Variants in GNA14 observed in about 807,000 individuals in gnomAD.
GNA14 encodes the protein guanine nucleotide-binding protein subunit alpha-14.
Under a neutral mutation model 42.0 loss-of-function variants are expected in GNA14, and 50 were observed. The ratio of observed to expected loss-of-function variants is 1.19; its 90% CI spans 0.95 to 1.51. The LOEUF (loss-of-function observed/expected upper bound fraction) is 1.51. Ranked by LOEUF, GNA14 falls within the 40% of genes most tolerant of loss-of-function variation. The pLI, the probability that GNA14 is intolerant of heterozygous loss-of-function variation, is 0.00. For missense variants in GNA14, 473 were observed against 446.2 expected, an observed-to-expected ratio of 1.06 and a Z score of -0.54; for synonymous variants, 173 against 163.1, an observed-to-expected ratio of 1.06 and a Z score of -0.46.
At position 77,587,601 on chromosome 9, in the gene GNA14, C is replaced by A. The variant is rs141762306; in HGVS notation, c.125-58348G>T. On this transcript the variant is annotated intron_variant, in intron 1 of 6. Coordinates refer to ENST00000341700, the MANE Select transcript of GNA14 (RefSeq NM_004297.4). The stretch of plus-strand genomic sequence containing the variant: ...ATGAAATATCCGTAGTATGAAAGAA[C>A]ACAGATTGGTGGTTATCTGGGGGAG... Among the ~76,000 whole-genome samples, 276 of 152,196 alleles carry A rather than the reference C, an allele frequency of 1.8e-3. 1 individual carries two copies. The highest frequency in any genetic ancestry group is 6.4e-3 in the African/African-American group (264 of 41,518).
At chr9:77,440,960 C>A (rs1191993452) in intron 2 of GNA14, among the ~76,000 whole-genome samples, 2 of 152,164 alleles carry the variant, frequency 1.3e-5, no homozygotes, top group African/African-American at 2.4e-5. Context: ...AAGTGATCCG[C>A]CCACCTCAGC....
intron 1 of GNA14, among the ~76,000 whole-genome samples, chr9:77,574,921 G>C (rs1823106523): frequency 6.6e-6 from 1 of 152,208 alleles, no homozygotes; most frequent in Non-Finnish European, 1.5e-5. Flanking sequence ...GGAAAACTTG[G>C]CGAGCACTAA....
At chr9:77,614,710 T>C (rs1196729875) in intron 1 of GNA14, among the ~76,000 whole-genome samples, 1 of 152,174 alleles carries the variant, frequency 6.6e-6, no homozygotes, top group Non-Finnish European at 1.5e-5. Flanking sequence ...TGCAGTCTCA[T>C]GGCTGTTCTG....
At chr9:77,482,090 T>C (rs922788936) in intron 2 of GNA14, among the ~76,000 whole-genome samples, 1 of 152,200 alleles carries the variant, frequency 6.6e-6, no homozygotes, top group Admixed American at 6.5e-5. Flanking sequence ...GGTCCTGTCA[T>C]TATGATGTTA....
intron 1 of GNA14, among the ~76,000 whole-genome samples, chr9:77,578,751 T>G (rs1362523631): frequency 1.3e-5 from 2 of 152,220 alleles, no homozygotes; most frequent in African/African-American, 2.4e-5. Flanking sequence ...AAACCTCATT[T>G]CCGCACAAAT....
At chr9:77,498,817 G>T (rs1402199519) in intron 2 of GNA14, among the ~76,000 whole-genome samples, 1 of 152,140 alleles carries the variant, frequency 6.6e-6, no homozygotes, top group East Asian at 1.9e-4. Flanking sequence ...GGCTTTGCGG[G>T]GTGTGGGTGT....
chr9:77,480,057 G>A (rs564823278), intron 2 of GNA14, among the ~76,000 whole-genome samples: 1 of 152,136 alleles, frequency 6.6e-6, no homozygotes, highest in African/African-American at 2.4e-5. Context: ...TCTCCTGCCT[G>A]ATTGCCCTGG....
intron 2 of GNA14, among the ~76,000 whole-genome samples, chr9:77,447,858 G>A (rs990984623): frequency 2.0e-5 from 3 of 152,198 alleles, no homozygotes; most frequent in African/African-American, 7.2e-5. Context: ...CAAGGCTCCC[G>A]CTAAGTGCAA....
chr9:77,499,479 A>G (rs1836929157), intron 2 of GNA14, among the ~76,000 whole-genome samples: 1 of 152,190 alleles, frequency 6.6e-6, no homozygotes. Context: ...ATATTATAAA[A>G]AGACTTCAAA....
chr9:77,581,213 T>C (rs1480784773), intron 1 of GNA14, among the ~76,000 whole-genome samples: 1 of 152,120 alleles, frequency 6.6e-6, no homozygotes, highest in Admixed American at 6.6e-5. Context: ...AAACCTTAGT[T>C]ATGTGCTAGG....
At chr9:77,571,612 C>A (rs770116671) in intron 1 of GNA14, among the ~76,000 whole-genome samples, 55 of 152,164 alleles carry the variant, frequency 3.6e-4, no homozygotes, top group Non-Finnish European at 6.0e-4. Flanking sequence ...ACCAGCCTGA[C>A]CAACATGGAG....
intron 1 of GNA14, among the ~76,000 whole-genome samples, chr9:77,626,312 G>T (rs1262599383): frequency 6.6e-6 from 1 of 152,034 alleles, no homozygotes; most frequent in East Asian, 1.9e-4. Context: ...ACACCCCATT[G>T]TCAATATTAG....
intron 2 of GNA14, among the ~76,000 whole-genome samples, chr9:77,465,853 C>A (rs776070868): frequency 6.6e-6 from 1 of 152,160 alleles, no homozygotes. Flanking sequence ...GCAGTCCTCC[C>A]ACCTTGGCCT....
At chr9:77,588,326 C>G (rs977510709) in intron 1 of GNA14, among the ~76,000 whole-genome samples, 1 of 152,124 alleles carries the variant, frequency 6.6e-6, no homozygotes, top group African/African-American at 2.4e-5. Flanking sequence ...TGCTTGCAAC[C>G]ACAGAACATT....
At chr9:77,584,938 C>T (rs564173934) in intron 1 of GNA14, among the ~76,000 whole-genome samples, 1 of 152,216 alleles carries the variant, frequency 6.6e-6, no homozygotes, top group South Asian at 2.1e-4. Flanking sequence ...TCAGAGGTCA[C>T]TCATGGCTAT....
intron 1 of GNA14, among the ~76,000 whole-genome samples, chr9:77,535,889 TTTG>T (rs150876429): frequency 0.65 from 72,133 of 110,722 alleles, 17,999 homozygotes; most frequent in Admixed American, 0.69. Flanking sequence ...GTTTAGTTGT[TTTG>T]TTTTTTTTTT....
At chr9:77,603,115 C>A (rs532811925) in intron 1 of GNA14, among the ~76,000 whole-genome samples, 1 of 152,332 alleles carries the variant, frequency 6.6e-6, no homozygotes, top group Non-Finnish European at 1.5e-5. Flanking sequence ...TTGGCTGGCT[C>A]AAAATGATGA....
intron 2 of GNA14, among the ~76,000 whole-genome samples, chr9:77,472,626 C>G (rs145687849): frequency 1.7e-3 from 257 of 152,262 alleles, no homozygotes; most frequent in African/African-American, 6.0e-3. Flanking sequence ...TTATACACTA[C>G]TGTTATTGTG....
At chr9:77,632,479 CT>C (rs1490059050) in intron 1 of GNA14, among the ~76,000 whole-genome samples, 1 of 152,166 alleles carries the variant, frequency 6.6e-6, no homozygotes, top group African/African-American at 2.4e-5. Context: ...CCTGTAGGGG[CT>C]AAAAGAGCTG....
Sources: allele counts gnomAD v4.1 joint callset (sites outside exome capture counted in the v4.1 genomes callset), GRCh38; gene constraint gnomAD v4.1.1; transcripts MANE v1.5; gene names NCBI Gene and HGNC (gene_info 2026-07-23, HGNC 2026-07-21).